SCAPER: variants seen among roughly 807,000 people sequenced by gnomAD.
The protein encoded by SCAPER is S-phase cyclin A associated protein in the ER, also known as S phase cyclin A-associated protein in the endoplasmic reticulum.
A neutral mutation model predicts 182.2 loss-of-function variants in SCAPER; 98 were observed. The ratio of observed to expected loss-of-function variants is 0.54; its 90% confidence interval spans 0.46 to 0.64. The LOEUF (loss-of-function observed/expected upper bound fraction) is 0.64, where lower values mean the gene tolerates loss of function less well. Ranked by LOEUF, SCAPER falls within the 30% of genes least tolerant of loss-of-function variation. The pLI, the probability that SCAPER is intolerant of heterozygous loss-of-function variation, is 0.00. For missense variants in SCAPER, 1,432 were observed against 1,690.0 expected, an observed-to-expected ratio of 0.85 and a Z score of 2.68; for synonymous variants, 605 against 564.6, an observed-to-expected ratio of 1.07 and a Z score of -1.01.
chr15:76,835,367 C>G (rs2068837618), intron 5 of SCAPER, among the ~76,000 whole-genome samples: 1 of 152,134 alleles, frequency 6.6e-6, no homozygotes, highest in Admixed American at 6.5e-5. Flanking sequence ...AGGCTTTATT[C>G]CTGAGATGTA....
chr15:76,494,533 T>A (rs1475466729), intron 24 of SCAPER, among the ~76,000 whole-genome samples: 4 of 152,172 alleles, frequency 2.6e-5, no homozygotes, highest in Admixed American at 1.3e-4. Flanking sequence ...TTTTTTTATA[T>A]CAATGAAATG....
intron 5 of SCAPER, among the ~76,000 whole-genome samples, chr15:76,839,002 A>G (rs2069197874): frequency 6.6e-6 from 1 of 152,234 alleles, no homozygotes; most frequent in Non-Finnish European, 1.5e-5. Flanking sequence ...AGCAAGGGAA[A>G]TGTAGGGGTG....
At chr15:76,623,083 C>G (rs1222764992) in intron 21 of SCAPER, among the ~76,000 whole-genome samples, 1 of 152,130 alleles carries the variant, frequency 6.6e-6, no homozygotes, top group Non-Finnish European at 1.5e-5. Flanking sequence ...CCTTTGCCCA[C>G]CTTTTAATGG....
intron 23 of SCAPER, among the ~76,000 whole-genome samples, chr15:76,530,680 T>C (rs1442639550): frequency 6.6e-6 from 1 of 152,120 alleles, no homozygotes; most frequent in Non-Finnish European, 1.5e-5. Flanking sequence ...TGAGAGAACA[T>C]CTGTTTCCTG....
intron 22 of SCAPER, among the ~76,000 whole-genome samples, chr15:76,616,504 G>C (rs1464479588): frequency 1.3e-5 from 2 of 152,110 alleles, no homozygotes; most frequent in Non-Finnish European, 2.9e-5. Context: ...AATGGGTATA[G>C]TTATAGTTTT....
Position 76,728,970 on chromosome 15 carries a change from C to T in SCAPER, c.2023-233G>A, listed in dbSNP as rs77359876. 7.3e-3 allele frequency among the ~76,000 whole-genome samples: 1,106 copies of T among 152,194 alleles called. 7 individuals carry two copies. Among genetic ancestry groups the T allele is most frequent in the Non-Finnish European group, 0.011 (755 of 67,996 alleles). On this transcript the variant is annotated intron_variant, in intron 16 of 31. Transcript: ENST00000563290. ...TTCAGTAAAGACTTGCTTTTTTATACAAACACTGTGTTATACTTGTTTTGT... is the reference window on the plus strand; with the variant it reads ...TTCAGTAAAGACTTGCTTTTTTATATAAACACTGTGTTATACTTGTTTTGT...
rs1280093016 is a variant in SCAPER at position 76,778,142 on chromosome 15, CAT to C, written c.773-3027_773-3026del. Among the ~76,000 whole-genome samples, 7 of 152,242 alleles carry C rather than the reference CAT, an allele frequency of 4.6e-5. 1 individual carries two copies. Among genetic ancestry groups the C allele is most frequent in the African/African-American group, 1.7e-4 (7 of 41,562 alleles). ...AGTTGAAAAGTCATAAGTTGGGACT[CAT>C]ATGTATAATTATCCTTCTCATGAAT... On this transcript the variant is annotated intron_variant, in intron 8 of 31. Coordinates refer to ENST00000563290, the MANE Select transcript of SCAPER (RefSeq NM_020843.4).
intron 29 of SCAPER, among the ~76,000 whole-genome samples, chr15:76,364,102 A>G (rs1337910307): frequency 6.6e-6 from 1 of 152,220 alleles, no homozygotes; most frequent in Non-Finnish European, 1.5e-5. Flanking sequence ...GAAAAGTTTA[A>G]AGAGTCTATG....
intron 21 of SCAPER, among the ~76,000 whole-genome samples, chr15:76,657,935 T>C (rs778274698): frequency 5.3e-5 from 8 of 152,148 alleles, no homozygotes; most frequent in Non-Finnish European, 1.2e-4. Context: ...TAGAACTGTA[T>C]ATGTCAAACA....
intron 4 of SCAPER, among the ~76,000 whole-genome samples, chr15:76,850,042 G>T (rs1402878593): frequency 3.3e-5 from 5 of 152,084 alleles, no homozygotes; most frequent in Admixed American, 3.3e-4. Context: ...CCTCCACCTG[G>T]TCCCACCCTT....
chr15:76,695,222 G>A (rs1191472540), intron 20 of SCAPER, among the ~76,000 whole-genome samples: 1 of 152,128 alleles, frequency 6.6e-6, no homozygotes, highest in Admixed American at 6.5e-5. Flanking sequence ...AATCTGTTAA[G>A]AGTCAACTTA....
At chr15:76,536,957 C>G (rs540105424) in intron 23 of SCAPER, among the ~76,000 whole-genome samples, 1 of 151,954 alleles carries the variant, frequency 6.6e-6, no homozygotes, top group African/African-American at 2.4e-5. Flanking sequence ...TGAGTGAACT[C>G]CCATTCACAA....
At chr15:76,416,350 G>A (rs377620435) in intron 26 of SCAPER, among the ~76,000 whole-genome samples, 8 of 151,678 alleles carry the variant, frequency 5.3e-5, no homozygotes, top group African/African-American at 1.5e-4. Context: ...TTAGCCAGGC[G>A]AGATGGCACA....
intron 26 of SCAPER, among the ~76,000 whole-genome samples, chr15:76,430,934 T>C (rs1452788443): frequency 6.6e-6 from 1 of 151,926 alleles, no homozygotes; most frequent in East Asian, 1.9e-4. Context: ...CGGTGGGAGG[T>C]AACTGAATCA....
At chr15:76,469,833 T>C (rs1328700169) in intron 25 of SCAPER, among the ~76,000 whole-genome samples, 3 of 152,178 alleles carry the variant, frequency 2.0e-5, no homozygotes, top group Admixed American at 6.6e-5. Context: ...GCCTGGGATA[T>C]AGGGCCATAC....
chr15:76,624,962 C>A (rs1340770218), intron 21 of SCAPER, among the ~76,000 whole-genome samples: 3 of 152,122 alleles, frequency 2.0e-5, no homozygotes, highest in African/African-American at 7.2e-5. Context: ...TTGGTGGTAG[C>A]CTTCATGGGC....
Position 76,593,017 on chromosome 15 carries a change from C to A in SCAPER, c.2712-18733G>T, listed in dbSNP as rs113978025. Among the ~76,000 whole-genome samples the A allele has an allele frequency of 5.0e-5, 6 of 118,898 alleles. 2 individuals carry two copies. Among genetic ancestry groups the A allele is most frequent in the Non-Finnish European group, 1.0e-4 (5 of 48,976 alleles). The allele number at this position is 118,898 out of a possible 152,430, so 78.0% of individuals were successfully genotyped here. On this transcript the variant is annotated intron_variant, in intron 22 of 31. Coordinates refer to ENST00000563290, the MANE Select transcript of SCAPER (RefSeq NM_020843.4). Reference sequence around the variant, plus strand: ...GGGGGCTGAAGCCAGGGAGCGAACTCGTCTTGCTCAGCAGATCCCACCCCC... The same window carrying A: ...GGGGGCTGAAGCCAGGGAGCGAACTAGTCTTGCTCAGCAGATCCCACCCCC...
intron 23 of SCAPER, among the ~76,000 whole-genome samples, chr15:76,546,547 C>A (rs570581306): frequency 5.6e-4 from 85 of 152,132 alleles, no homozygotes; most frequent in Non-Finnish European, 1.0e-3. Context: ...CCCCTGCCCC[C>A]ACCCAATCCC....
chr15:76,854,674 A>G (rs2071145999), intron 4 of SCAPER, among the ~76,000 whole-genome samples: 2 of 151,818 alleles, frequency 1.3e-5, no homozygotes, highest in Non-Finnish European at 2.9e-5. Flanking sequence ...TTTAAAAAAA[A>G]CATGGCCGGG....
Sources: allele counts gnomAD v4.1 joint callset (sites outside exome capture counted in the v4.1 genomes callset), GRCh38; gene constraint gnomAD v4.1.1; transcripts MANE v1.5; gene names NCBI Gene and HGNC (gene_info 2026-07-23, HGNC 2026-07-21).